The following RGS7 variants were observed in gnomAD, a reference collection of about 807,000 sequenced individuals.
RGS7 encodes the protein regulator of G-protein signaling 7.
Under a neutral mutation model 81.1 loss-of-function variants are expected in RGS7, and 27 were observed. The ratio of observed to expected loss-of-function variants is 0.33; its 90% CI spans 0.25 to 0.46. RGS7 has a LOEUF of 0.46. Ranked by LOEUF, RGS7 falls within the 20% of genes least tolerant of loss-of-function variation. RGS7 has a pLI of 1.00. For missense variants in RGS7, 396 were observed against 607.4 expected, an observed-to-expected ratio of 0.65 and a Z score of 3.66; for synonymous variants, 208 against 207.7, an observed-to-expected ratio of 1.00 and a Z score of -0.01.
intron 6 of RGS7, among the ~76,000 whole-genome samples, chr1:240,883,454 T>G (rs556096992): frequency 1.3e-5 from 2 of 152,316 alleles, no homozygotes; most frequent in South Asian, 2.1e-4. Flanking sequence ...TGACGGATAC[T>G]CTCTTCTTCC....
intron 18 of RGS7, among the ~76,000 whole-genome samples, chr1:240,797,502 C>T (rs1290867351): frequency 6.6e-6 from 1 of 152,118 alleles, no homozygotes; most frequent in African/African-American, 2.4e-5. Context: ...CAGGTGTGCA[C>T]CACCACGCCC....
intron 2 of RGS7, among the ~76,000 whole-genome samples, chr1:241,204,906 A>C (rs2073774495): frequency 6.6e-6 from 1 of 152,116 alleles, no homozygotes; most frequent in African/African-American, 2.4e-5. Flanking sequence ...TGCTATCAGA[A>C]CTGTTGAGTT....
chr1:240,956,139 C>T (rs981187782), intron 4 of RGS7, among the ~76,000 whole-genome samples: 7 of 152,068 alleles, frequency 4.6e-5, no homozygotes, highest in South Asian at 2.1e-4. Flanking sequence ...ACAAAGCTAA[C>T]GCAATTGTCT....
chr1:241,063,916 G>A (rs2061888329), intron 3 of RGS7, among the ~76,000 whole-genome samples: 1 of 152,162 alleles, frequency 6.6e-6, no homozygotes, highest in Non-Finnish European at 1.5e-5. Flanking sequence ...GGGCGCGGTG[G>A]CTCACGCCTG....
chr1:241,221,021 GGAAGGAAGGAAGGAAGGA>G, intron 2 of RGS7, among the ~76,000 whole-genome samples: 2 of 105,410 alleles, frequency 1.9e-5, no homozygotes, highest in African/African-American at 6.6e-5. Flanking sequence ...AAGGAAGGAA[GGAAGGAAGGAAGGAAGGA>G]AAAGAAAGAA....
intron 9 of RGS7, among the ~76,000 whole-genome samples, chr1:240,832,104 C>T (rs1693959083): frequency 6.6e-6 from 1 of 152,106 alleles, no homozygotes; most frequent in South Asian, 2.1e-4. Context: ...ATAATAGGTA[C>T]CACTAGCTGG....
chr1:240,814,741 A>T lies in RGS7; in HGVS notation c.820T>A (p.Leu274Ile), dbSNP rs779232880. 1 of 1,603,080 alleles carries T rather than the reference A, an allele frequency of 6.2e-7. No individual in the cohort carries two copies. Among genetic ancestry groups the T allele is most frequent in the Non-Finnish European group, 8.5e-7 (1 of 1,170,294 alleles). The change falls in exon 12 of 19, where the codon TTA becomes ATA. Residue 274 changes from leucine to isoleucine, a missense_variant. Leu to Ile is a conservative substitution (Grantham distance 5, BLOSUM62 2). Transcript: ENST00000440928. ...YWQIQLDRHR[L>I]KMSKVADSLL... ...CTGTCAGCGACTTTTGACATTTTTA[A>T]CCGATGTCTATCTAACTGTATTTGC...
intron 4 of RGS7, among the ~76,000 whole-genome samples, chr1:240,942,580 G>T (rs6660315): frequency 0.11 from 17,022 of 152,082 alleles, 2,059 homozygotes; most frequent in African/African-American, 0.31. Context: ...ATAAGTATCA[G>T]TAGTGTGTGG....
chr1:240,981,346 G>A (rs1360041675), intron 4 of RGS7, among the ~76,000 whole-genome samples: 5 of 152,020 alleles, frequency 3.3e-5, no homozygotes, highest in Non-Finnish European at 5.9e-5. Context: ...TCCTGAGCTC[G>A]TGATCCACCC....
At chr1:240,986,030 TA>T (rs1685615746) in intron 3 of RGS7, among the ~76,000 whole-genome samples, 1 of 151,968 alleles carries the variant, frequency 6.6e-6, no homozygotes, top group Non-Finnish European at 1.5e-5. Flanking sequence ...ATATAATGTA[TA>T]TGTAGAAAAT....
At chr1:241,112,160 A>C (rs1342807660) in intron 2 of RGS7, among the ~76,000 whole-genome samples, 1 of 152,214 alleles carries the variant, frequency 6.6e-6, no homozygotes, top group Non-Finnish European at 1.5e-5. Context: ...GAGATGAAAC[A>C]TGAGGACTTT....
chr1:241,206,596 G>C (rs1208657586), intron 2 of RGS7, among the ~76,000 whole-genome samples: 1 of 152,122 alleles, frequency 6.6e-6, no homozygotes, highest in African/African-American at 2.4e-5. Context: ...GGCATACAAC[G>C]TGAGAAGATG....
At chr1:241,330,590 A>G (rs2081919570) in intron 2 of RGS7, among the ~76,000 whole-genome samples, 1 of 152,188 alleles carries the variant, frequency 6.6e-6, no homozygotes, top group Admixed American at 6.5e-5. Flanking sequence ...ACACTCATGC[A>G]TTAACAGAAT....
rs2058675865 is a variant in RGS7, at chr1:241,006,043, T to A, written c.176-22914A>T. On this transcript the variant is annotated intron_variant, in intron 3 of 18. Coordinates refer to ENST00000440928, the MANE Select transcript of RGS7 (RefSeq NM_001364886.1). ...CTTATTGTAGACATATATTTTCGTT[T>A]ATTTTGGTAAATCCCTTCCCTCTGC... 2.0e-5 allele frequency among the ~76,000 whole-genome samples: 3 copies of A among 152,336 alleles called. No homozygotes were observed. In the East Asian group the frequency reaches 5.8e-4, roughly 29 times the overall value.
chr1:241,327,151 G>GAAAAGA (rs1395652477), intron 2 of RGS7, among the ~76,000 whole-genome samples: 8 of 86,904 alleles, frequency 9.2e-5, no homozygotes, highest in South Asian at 3.5e-4. Flanking sequence ...AGAAAGGAAA[G>GAAAAGA]AAAGAAAGAA....
At chr1:240,983,048 A>G in intron 4 of RGS7, 31 bp downstream of exon 4, 1 of 1,341,792 alleles carries the variant, frequency 7.5e-7, no homozygotes, top group Non-Finnish European at 1.1e-6. Flanking sequence ...CTAAGAAAAA[A>G]GTTCTTGCAA....
intron 2 of RGS7, among the ~76,000 whole-genome samples, chr1:241,328,700 A>C (rs1181854751): frequency 6.6e-6 from 1 of 152,136 alleles, no homozygotes; most frequent in Non-Finnish European, 1.5e-5. Context: ...AGGCATGGCT[A>C]CTATCTGGGA....
At chr1:241,238,575 C>A (rs1336047844) in intron 2 of RGS7, among the ~76,000 whole-genome samples, 2 of 152,008 alleles carry the variant, frequency 1.3e-5, no homozygotes, top group African/African-American at 4.8e-5. Flanking sequence ...ACTCTGTCAC[C>A]CAGGGCTGGA....
chr1:241,347,041 A>T (rs545952942), intron 2 of RGS7, among the ~76,000 whole-genome samples: 1 of 152,286 alleles, frequency 6.6e-6, no homozygotes, highest in South Asian at 2.1e-4. Context: ...ACAATGAAAA[A>T]ATGTCCACAG....
Sources: allele counts gnomAD v4.1 joint callset (sites outside exome capture counted in the v4.1 genomes callset), GRCh38; gene constraint gnomAD v4.1.1; transcripts MANE v1.5; gene names NCBI Gene and HGNC (gene_info 2026-07-23, HGNC 2026-07-21).